The following OSBPL8 variants were observed in gnomAD, a reference collection of about 807,000 sequenced individuals.
OSBPL8 encodes oxysterol-binding protein-related protein 8.
Under a neutral mutation model 125.5 loss-of-function variants are expected in OSBPL8, and 59 were observed. The observed-to-expected ratio is 0.47, with a 90% CI of 0.38 to 0.58. The LOEUF (loss-of-function observed/expected upper bound fraction) is 0.58, where lower values mean the gene tolerates loss of function less well. OSBPL8 is among the 20% of genes least tolerant of loss of function. OSBPL8 has a pLI of 0.00. For missense variants in OSBPL8, 758 were observed against 1,047.8 expected (o/e 0.72, Z 3.82); for synonymous variants, 330 against 338.9 (o/e 0.97, Z 0.29).
At chr12:76,374,909 A>G (rs577472593) in intron 17 of OSBPL8, among the ~76,000 whole-genome samples, 1 of 152,326 alleles carries the variant, frequency 6.6e-6, no homozygotes, top group Admixed American at 6.5e-5. Context: ...TTACACAGCT[A>G]GACTGCAAGA....
intron 1 of OSBPL8, among the ~76,000 whole-genome samples, chr12:76,543,776 T>C (rs1358285232): frequency 6.6e-6 from 1 of 152,168 alleles, no homozygotes; most frequent in African/African-American, 2.4e-5. Context: ...AAGATAATTA[T>C]TCACAAAAAG....
intron 6 of OSBPL8, 66 bp from the exon 7 acceptor site, chr12:76,400,040 G>C (rs1049581244): frequency 5.6e-6 from 7 of 1,248,482 alleles, no homozygotes; most frequent in Non-Finnish European, 6.6e-6. Context: ...TTTAAGTTCA[G>C]GGGTACAAAT....
At position 76,379,984 on chromosome 12, in the gene OSBPL8, T is replaced by C. The variant is rs77639760; in HGVS notation, c.1631-1434A>G. ...TGTACAGGTCTACATCTGAACTCTA[T>C]TGCATCCCATTAATTTATACATCTA... On this transcript the variant is annotated intron_variant, in intron 15 of 23. Transcript: ENST00000261183. Among the ~76,000 whole-genome samples, 123 of 152,344 alleles carry C rather than the reference T, an allele frequency of 8.1e-4. No homozygotes were observed. The East Asian group carries it at 0.019, about 24-fold the overall frequency.
chr12:76,376,106 C>T (rs2136220250), intron 16 of OSBPL8, among the ~76,000 whole-genome samples: 1 of 152,288 alleles, frequency 6.6e-6, no homozygotes, highest in South Asian at 2.1e-4. Context: ...ATCTCATACT[C>T]CCCCAGGAGC....
At chr12:76,408,650 G>A (rs1954379960) in intron 5 of OSBPL8, among the ~76,000 whole-genome samples, 1 of 151,948 alleles carries the variant, frequency 6.6e-6, no homozygotes, top group Non-Finnish European at 1.5e-5. Context: ...AGCCATATGT[G>A]GTTACTGGGC....
intron 3 of OSBPL8, 114 bp downstream of exon 3, chr12:76,459,745 G>T: frequency 8.1e-7 from 1 of 1,229,576 alleles, no homozygotes; most frequent in Non-Finnish European, 1.2e-6. Flanking sequence ...TTCCTGGAAA[G>T]AAAAGTAGAA....
chr12:76,373,001 A>G (rs2136205438), intron 18 of OSBPL8, among the ~76,000 whole-genome samples: 1 of 152,272 alleles, frequency 6.6e-6, no homozygotes, highest in Non-Finnish European at 1.5e-5. Context: ...AATGGGGACA[A>G]TAATAAACAA....
At chr12:76,389,380 A>G (rs1047620120) in intron 12 of OSBPL8, among the ~76,000 whole-genome samples, 2 of 152,190 alleles carry the variant, frequency 1.3e-5, no homozygotes, top group African/African-American at 4.8e-5. Context: ...TAAGGAGCCT[A>G]TAACGGCAGT....
chr12:76,425,999 G>A (rs1250122909), intron 4 of OSBPL8, among the ~76,000 whole-genome samples: 1 of 152,112 alleles, frequency 6.6e-6, no homozygotes, highest in African/African-American at 2.4e-5. Context: ...TACCCAACTA[G>A]GTTTGGGCTT....
chr12:76,529,830 T>C (rs1399014989), intron 1 of OSBPL8, among the ~76,000 whole-genome samples: 1 of 152,204 alleles, frequency 6.6e-6, no homozygotes, highest in Non-Finnish European at 1.5e-5. Flanking sequence ...TGATCCACTT[T>C]ATACTCGAAG....
chr12:76,480,739 C>T (rs17042310), intron 2 of OSBPL8, among the ~76,000 whole-genome samples: 1 of 152,120 alleles, frequency 6.6e-6, no homozygotes, highest in African/African-American at 2.4e-5. Context: ...TTTGGGTTAT[C>T]CAACAACAGG....
At position 76,355,334 on chromosome 12, in the gene OSBPL8, CT is replaced by C. The variant is rs1375933671; in HGVS notation, c.*554del. 6.6e-6 allele frequency: 1 copy of C among 152,238 alleles called. No homozygotes were observed. The highest frequency in any genetic ancestry group is 6.6e-5 in the Admixed American group (1 of 15,256). 9.4% of individuals were successfully genotyped at this position (152,238 alleles called of 1,614,324 possible). A position where few individuals can be genotyped will look rare whatever the true frequency, so the allele number is the denominator to read the frequency against. On this transcript the variant is annotated 3_prime_UTR_variant, in exon 24 of 24. Coordinates refer to ENST00000261183, the MANE Select transcript of OSBPL8 (RefSeq NM_020841.5). Reference sequence around the variant, plus strand: ...GATGTATTCATTTTGACCATTCATACTTTTTCTTTCTTTCTAAGAAGATAAT... The same window carrying C: ...GATGTATTCATTTTGACCATTCATACTTTTCTTTCTTTCTAAGAAGATAAT...
At chr12:76,376,338 A>G (rs1952818129) in intron 16 of OSBPL8, among the ~76,000 whole-genome samples, 1 of 152,194 alleles carries the variant, frequency 6.6e-6, no homozygotes, top group African/African-American at 2.4e-5. Context: ...GTACAATATT[A>G]TCTTTTGAGA....
In OSBPL8 at chr12:76,363,352, G is replaced by A. The variant is rs142844435; in HGVS notation, c.2329-4541C>T. On this transcript the variant is annotated intron_variant, in intron 21 of 23. Coordinates refer to ENST00000261183, the MANE Select transcript of OSBPL8 (RefSeq NM_020841.5). Reference sequence around the variant, plus strand: ...ACAGAACAGAGGCCTCAGAAATAACGCCACACATCTACAACCATCTGATCT... The same window carrying A: ...ACAGAACAGAGGCCTCAGAAATAACACCACACATCTACAACCATCTGATCT... 5.5e-3 allele frequency among the ~76,000 whole-genome samples: 833 copies of A among 152,172 alleles called. 5 individuals are homozygous for A. The highest frequency in any genetic ancestry group is 9.6e-3 in the Non-Finnish European group (650 of 67,988).
At chr12:76,519,799 C>T (rs993716655) in intron 1 of OSBPL8, among the ~76,000 whole-genome samples, 3 of 152,012 alleles carry the variant, frequency 2.0e-5, no homozygotes, top group African/African-American at 7.3e-5. Flanking sequence ...TTTTAAACAA[C>T]CAAATCTGCA....
intron 16 of OSBPL8, among the ~76,000 whole-genome samples, chr12:76,377,610 T>C (rs1379290543): frequency 6.6e-6 from 1 of 152,094 alleles, no homozygotes. Context: ...ACTTTTCATA[T>C]TGAATAATTT....
chr12:76,548,664 T>C (rs891195418), intron 1 of OSBPL8, among the ~76,000 whole-genome samples: 5 of 152,184 alleles, frequency 3.3e-5, no homozygotes, highest in African/African-American at 1.2e-4. Context: ...CTCCTCTCTC[T>C]TTTACCCTAA....
intron 1 of OSBPL8, among the ~76,000 whole-genome samples, chr12:76,510,897 A>T (rs79202717): frequency 0.25 from 37,663 of 150,902 alleles, 4,931 homozygotes; most frequent in African/African-American, 0.29. Flanking sequence ...AAAAAAAAAA[A>T]ATATATTTAC....
At chr12:76,534,369 G>C (rs980486800) in intron 1 of OSBPL8, 3 of 152,064 alleles carry the variant, frequency 2.0e-5, no homozygotes, top group South Asian at 2.1e-4. Flanking sequence ...TATCAGACGT[G>C]GTATTTAAAC....
Sources: gnomAD v4.1 joint callset for allele counts (sites outside exome capture counted in the v4.1 genomes callset) on GRCh38, gnomAD v4.1.1 for gene constraint, MANE v1.5 for transcripts, NCBI Gene and HGNC (gene_info 2026-07-23, HGNC 2026-07-21) for gene names.